The following GRIN2A variants were observed in gnomAD, a reference collection of about 807,000 sequenced individuals.
GRIN2A encodes glutamate ionotropic receptor NMDA type subunit 2A.
GRIN2A carries 22 observed loss-of-function variants against 113.4 expected under a neutral mutation model. That is an observed-to-expected ratio of 0.19 (90% CI 0.14 to 0.28). GRIN2A has a LOEUF of 0.28. Among genes scored for constraint, GRIN2A ranks in the 10% least tolerant of loss-of-function variants. The pLI is 1.00. For missense variants in GRIN2A, 1,502 were observed against 1,887.0 expected (o/e 0.80, Z 3.78); for synonymous variants, 827 against 738.4 (o/e 1.12, Z -1.94).
chr16:9,791,278 A>G (rs534913890), intron 11 of GRIN2A, among the ~76,000 whole-genome samples: 11 of 152,154 alleles, frequency 7.2e-5, no homozygotes, highest in Non-Finnish European at 1.5e-4. Flanking sequence ...CATATCAGGA[A>G]ATGGGGTTAG....
chr16:9,765,891 A>G (rs1331959515), intron 12 of GRIN2A, among the ~76,000 whole-genome samples: 1 of 152,178 alleles, frequency 6.6e-6, no homozygotes, highest in African/African-American at 2.4e-5. Flanking sequence ...CAGCCCAAAT[A>G]CAAGCACCTC....
rs544594263 is a variant in GRIN2A, at chr16:10,048,923, G to A, written c.415-110372C>T. ...TTCTACAAGCCTCCTTCCTGCTGAC[G>A]TGGAGGAAGGAGCCGAGGGAGAGAT... On this transcript the variant is annotated intron_variant, in intron 2 of 12. Transcript: ENST00000330684. Among the ~76,000 whole-genome samples, 9 of 152,296 alleles carry A rather than the reference G, an allele frequency of 5.9e-5. No homozygotes were observed. The South Asian group carries it at 1.2e-3, about 21-fold the overall frequency.
intron 2 of GRIN2A, among the ~76,000 whole-genome samples, chr16:10,095,734 A>G (rs1455137474): frequency 6.6e-6 from 1 of 152,226 alleles, no homozygotes; most frequent in Non-Finnish European, 1.5e-5. Context: ...AGGAAATAGC[A>G]ACTTTACAGT....
intron 2 of GRIN2A, among the ~76,000 whole-genome samples, chr16:10,045,864 C>T (rs1397551504): frequency 1.3e-5 from 2 of 152,152 alleles, no homozygotes; most frequent in Non-Finnish European, 2.9e-5. Context: ...TGCCCTATGC[C>T]AGGGTTTCTC....
chr16:10,179,772 T>G (rs1171250844), intron 2 of GRIN2A: 1 of 580,690 alleles, frequency 1.7e-6, no homozygotes, highest in Non-Finnish European at 3.1e-6. Context: ...CACACCAAAG[T>G]GCTCCTGTGT....
chr16:10,074,001 G>C (rs1005425119), intron 2 of GRIN2A, among the ~76,000 whole-genome samples: 1 of 151,408 alleles, frequency 6.6e-6, no homozygotes, highest in African/African-American at 2.4e-5. Context: ...CTAGTATCCA[G>C]GGTACATAGA....
intron 4 of GRIN2A, among the ~76,000 whole-genome samples, chr16:9,872,032 G>C (rs1482389579): frequency 3.9e-5 from 6 of 152,268 alleles, no homozygotes; most frequent in East Asian, 3.9e-4. Flanking sequence ...GGCAATAATA[G>C]TGCCAATATC....
intron 2 of GRIN2A, among the ~76,000 whole-genome samples, chr16:10,093,605 C>T (rs1361644685): frequency 6.7e-6 from 1 of 148,326 alleles, no homozygotes; most frequent in African/African-American, 2.5e-5. Flanking sequence ...AGGGAATACC[C>T]GGGCAACAAA....
intron 2 of GRIN2A, among the ~76,000 whole-genome samples, chr16:10,081,450 G>C (rs1262462589): frequency 6.6e-6 from 1 of 152,202 alleles, no homozygotes; most frequent in Admixed American, 6.5e-5. Flanking sequence ...CTTTGTTTAT[G>C]AAAAAGTGTC....
chr16:9,822,397 G>A lies in GRIN2A; in HGVS notation c.2035C>T (p.Pro679Ser), dbSNP rs1415214536. 6.2e-7 allele frequency: 1 copy of A among 1,612,130 alleles called. No homozygotes were observed. Among genetic ancestry groups the A allele is most frequent in the Non-Finnish European group, 8.5e-7 (1 of 1,178,262 alleles). The change falls in exon 10 of 13, where the codon CCT (proline) becomes TCT (serine). Residue 679 changes from proline (P) to serine (S), a missense_variant. Coordinates refer to ENST00000330684, the MANE Select transcript of GRIN2A (RefSeq NM_001134407.3). ...TTAGGCACTGTCCCAAATCGAAAAGGTGGGGAATAGTCATGAGGTCTCTGA... is the reference window on the plus strand; with the variant it reads ...TTAGGCACTGTCCCAAATCGAAAAGATGGGGAATAGTCATGAGGTCTCTGA... ...KFQRPHDYSP[P>S]FRFGTVPNGS...
chr16:9,914,762 T>C (rs1268456088), intron 3 of GRIN2A, among the ~76,000 whole-genome samples: 1 of 151,580 alleles, frequency 6.6e-6, no homozygotes, highest in African/African-American at 2.4e-5. Flanking sequence ...TAGCAGCAGT[T>C]AGACAAGCCA....
At chr16:10,125,631 GAAAAAAA>G (rs79695852) in intron 2 of GRIN2A, among the ~76,000 whole-genome samples, 2 of 132,050 alleles carry the variant, frequency 1.5e-5, no homozygotes. Flanking sequence ...ATGGTGGGAG[GAAAAAAA>G]AAAAAAAAAA....
chr16:10,085,786 C>T (rs2048074543), intron 2 of GRIN2A, among the ~76,000 whole-genome samples: 1 of 152,138 alleles, frequency 6.6e-6, no homozygotes. Flanking sequence ...TGGCTAGGAA[C>T]TCAGTTTTCA....
At chr16:9,781,957 G>T (rs1596398616) in intron 11 of GRIN2A, among the ~76,000 whole-genome samples, 1 of 152,136 alleles carries the variant, frequency 6.6e-6, no homozygotes, top group Admixed American at 6.5e-5. Context: ...TGCTTAAAAT[G>T]TAATAATAAG....
At chr16:10,037,608 ACTC>A (rs1567251724) in intron 2 of GRIN2A, among the ~76,000 whole-genome samples, 1 of 151,794 alleles carries the variant, frequency 6.6e-6, no homozygotes, top group Non-Finnish European at 1.5e-5. Flanking sequence ...CAGCTTCTCT[ACTC>A]CTATTTCTTT....
intron 2 of GRIN2A, among the ~76,000 whole-genome samples, chr16:10,016,289 T>G (rs1366249613): frequency 6.6e-6 from 1 of 152,166 alleles, no homozygotes; most frequent in Non-Finnish European, 1.5e-5. Context: ...TGGTTTCCCA[T>G]GTAGCCTGTG....
intron 11 of GRIN2A, among the ~76,000 whole-genome samples, chr16:9,796,925 C>G (rs1436477603): frequency 2.0e-5 from 3 of 152,218 alleles, no homozygotes; most frequent in African/African-American, 7.2e-5. Context: ...GAGGAAGGTA[C>G]AAATGCCCTA....
chr16:9,987,531 C>T lies in GRIN2A; in HGVS notation c.415-48980G>A, dbSNP rs143102983. Among the ~76,000 whole-genome samples, 532 of 152,238 alleles carry T rather than the reference C, an allele frequency of 3.5e-3. 2 individuals carry two copies. Among genetic ancestry groups the T allele is most frequent in the African/African-American group, 0.012 (503 of 41,538 alleles). The stretch of plus-strand genomic sequence containing the variant: ...GGGCATAAGAAAGCAAACAAATACG[C>T]CAAAACATATTTCAAGAGTAGCATA... On this transcript the variant is annotated intron_variant, in intron 2 of 12. Coordinates refer to ENST00000330684, the MANE Select transcript of GRIN2A (RefSeq NM_001134407.3).
At chr16:9,896,369 CAA>C (rs2043807747) in intron 3 of GRIN2A, among the ~76,000 whole-genome samples, 1 of 152,156 alleles carries the variant, frequency 6.6e-6, no homozygotes. Flanking sequence ...TTGTTTTAAT[CAA>C]GAAGGTAGCA....
Sources: gnomAD v4.1 joint callset for allele counts (sites outside exome capture counted in the v4.1 genomes callset) on GRCh38, gnomAD v4.1.1 for gene constraint, MANE v1.5 for transcripts, NCBI Gene and HGNC (gene_info 2026-07-23, HGNC 2026-07-21) for gene names.